The following ZCCHC2 variants were observed in gnomAD, a reference collection of about 807,000 sequenced individuals.
ZCCHC2 encodes the protein zinc finger CCHC-type containing 2.
A neutral mutation model predicts 103.6 loss-of-function variants in ZCCHC2; 39 were observed. The observed-to-expected ratio is 0.38, with a 90% CI of 0.29 to 0.49. The LOEUF (loss-of-function observed/expected upper bound fraction) is 0.49, where lower values mean the gene tolerates loss of function less well. ZCCHC2 is among the 20% of genes least tolerant of loss of function. The pLI is 0.96. For missense variants in ZCCHC2, 1,483 were observed against 1,491.0 expected, an observed-to-expected ratio of 0.99 and a Z score of 0.09; for synonymous variants, 687 against 608.9, an observed-to-expected ratio of 1.13 and a Z score of -1.89.
At chr18:62,540,089 A>AT (rs1915110065) in intron 2 of ZCCHC2, among the ~76,000 whole-genome samples, 1 of 152,174 alleles carries the variant, frequency 6.6e-6, no homozygotes, top group Non-Finnish European at 1.5e-5. Flanking sequence ...CCCCCAGAGT[A>AT]TTTAGTATAG....
chr18:62,559,164 G>A (rs1226815326), intron 7 of ZCCHC2, among the ~76,000 whole-genome samples: 3 of 152,126 alleles, frequency 2.0e-5, no homozygotes, highest in Non-Finnish European at 4.4e-5. Context: ...GCATGACCAC[G>A]GTAGAGATCT....
rs562755547 is a variant in ZCCHC2 at position 62,533,289 on chromosome 18, G to T, written c.940-6392G>T. Among the ~76,000 whole-genome samples the T allele has an allele frequency of 8.0e-4, 122 of 152,300 alleles. 1 individual carries two copies. The highest frequency in any genetic ancestry group is 3.4e-3 in the Middle Eastern group (1 of 294). ...GCCTGTAATCCCAGCACTTTGGGAG[G>T]CCGAGGCGGGTGGATCACTTGAGGT... On this transcript the variant is annotated intron_variant, in intron 1 of 13. Coordinates refer to ENST00000269499, the MANE Select transcript of ZCCHC2 (RefSeq NM_017742.6).
At chr18:62,535,064 C>T (rs918484919) in intron 1 of ZCCHC2, among the ~76,000 whole-genome samples, 8 of 152,154 alleles carry the variant, frequency 5.3e-5, no homozygotes, top group Non-Finnish European at 1.0e-4. Context: ...GCTTCTGAGC[C>T]CAGGCTCACA....
chr18:62,562,966 T>C (rs1916190436), intron 8 of ZCCHC2, 43 bp from the exon 9 acceptor site: 9 of 1,581,132 alleles, frequency 5.7e-6, no homozygotes, highest in African/African-American at 1.3e-5. Context: ...TAGGTTATTA[T>C]TGAGGGCAGA....
At chr18:62,540,410 T>A (rs1385549198) in intron 2 of ZCCHC2, among the ~76,000 whole-genome samples, 1 of 151,336 alleles carries the variant, frequency 6.6e-6, no homozygotes, top group Non-Finnish European at 1.5e-5. Flanking sequence ...GTTATAACAA[T>A]TTTGAATTTA....
Position 62,523,398 on chromosome 18 carries a change from C to G in ZCCHC2, c.-27C>G. On this transcript the variant is annotated 5_prime_UTR_variant, in exon 1 of 14. Transcript: ENST00000269499. ...GCGGCCCCTCCCGCCCGCCCCCGCTCGCATGTCTGCGCCGCCCTAGCCGAG... is the reference window on the plus strand; with the variant it reads ...GCGGCCCCTCCCGCCCGCCCCCGCTGGCATGTCTGCGCCGCCCTAGCCGAG... The G allele has an allele frequency of 2.9e-6, 3 of 1,028,936 alleles. No homozygotes were observed. Among genetic ancestry groups the G allele is most frequent in the Non-Finnish European group, 3.5e-6 (3 of 860,452 alleles). The allele number at this position is 1,028,936 out of a possible 1,614,324, so 63.7% of individuals were successfully genotyped here. A position where few individuals can be genotyped will look rare whatever the true frequency, so the allele number is the denominator to read the frequency against.
intron 7 of ZCCHC2, among the ~76,000 whole-genome samples, chr18:62,559,876 G>A (rs983648705): frequency 1.3e-5 from 2 of 152,146 alleles, no homozygotes; most frequent in African/African-American, 4.8e-5. Context: ...TCTTTTTCTT[G>A]TCATTCTCTA....
rs1914560411 is a variant in ZCCHC2 at position 62,528,923 on chromosome 18, GCC to G, written c.939+4561_939+4562del. On this transcript the variant is annotated intron_variant, in intron 1 of 13. Coordinates refer to ENST00000269499, the MANE Select transcript of ZCCHC2 (RefSeq NM_017742.6). ...CGCCTGTAATTCCAGCACTTTGAAA[GCC>G]AAGGCAGGTGGATCACCTGAGGTCA... Among the ~76,000 whole-genome samples the G allele has an allele frequency of 2.6e-5, 4 of 152,230 alleles. No homozygotes were observed. The South Asian group carries it at 8.3e-4, about 32-fold the overall frequency.
At chr18:62,563,285 A>T (rs1916205986) in intron 9 of ZCCHC2, 141 bp downstream of exon 9, 1 of 998,234 alleles carries the variant, frequency 1.0e-6, no homozygotes, top group African/African-American at 1.6e-5. Flanking sequence ...CTTTATACTT[A>T]TATATGATCT....
At chr18:62,558,818 A>G (rs1272460367) in intron 7 of ZCCHC2, 48 bp downstream of exon 7, 4 of 1,262,382 alleles carry the variant, frequency 3.2e-6, no homozygotes, top group African/African-American at 3.0e-5. Flanking sequence ...CTGATAGCAC[A>G]TGGATAGAAC....
At chr18:62,565,491 C>T (rs970362096) in intron 11 of ZCCHC2, among the ~76,000 whole-genome samples, 9 of 152,154 alleles carry the variant, frequency 5.9e-5, no homozygotes, top group African/African-American at 1.7e-4. Context: ...CTGTTGACTT[C>T]TTCATGATTT....
In ZCCHC2 at chr18:62,550,412, C is replaced by T. The variant is rs750984147; in HGVS notation, c.1265C>T (p.Ser422Phe). The T allele has an allele frequency of 2.5e-6, 4 of 1,613,784 alleles. No homozygotes were observed. The highest frequency in any genetic ancestry group is 3.4e-6 in the Non-Finnish European group (4 of 1,179,828). Residue 422 changes from serine to phenylalanine, a missense_variant, in exon 5 of 14, where the codon TCC becomes TTC. Physicochemically the swap from Ser to Phe is radical, Grantham distance 155. Transcript: ENST00000269499. ...KTILRALNQG[S>F]LKREERRHPD... ...ATCTTAAGAGCCCTGAATCAGGGTT[C>T]CTTGAAAAGGGAGGAACGGCGACAT...
At chr18:62,552,251 G>T (rs1032522134) in intron 5 of ZCCHC2, 1 of 152,194 alleles carries the variant, frequency 6.6e-6, no homozygotes, top group Admixed American at 6.5e-5. Flanking sequence ...GGTCTGGAAG[G>T]ATCAGAAGAT....
chr18:62,524,068 G>A lies in ZCCHC2; in HGVS notation c.644G>A (p.Gly215Asp). 3 of 1,493,370 alleles carry A rather than the reference G, an allele frequency of 2.0e-6. No homozygotes were observed. Among genetic ancestry groups the A allele is most frequent in the Non-Finnish European group, 2.7e-6 (3 of 1,130,586 alleles). 92.5% of individuals were successfully genotyped at this position (1,493,370 alleles called of 1,614,324 possible). ...LRAARGEGSR[G>D]GAEDERGEDG... ...GCGGCCCGGGGCGAGGGCTCGCGGG[G>A]CGGCGCGGAGGACGAGCGCGGCGAG... Residue 215 changes from glycine to aspartate, a missense_variant, in exon 1 of 14, where the codon GGC becomes GAC. Gly to Asp is a moderately conservative substitution (Grantham distance 94). Coordinates refer to ENST00000269499, the MANE Select transcript of ZCCHC2 (RefSeq NM_017742.6).
In ZCCHC2 at chr18:62,574,640, C is replaced by T. The variant is rs113696225; in HGVS notation, c.2559C>T (p.Asn853=). 6.9e-5 allele frequency: 111 copies of T among 1,614,024 alleles called. No individual in the cohort carries two copies. In the African/African-American group the frequency reaches 1.2e-3, roughly 17 times the overall value. The change falls in exon 13 of 14, where the codon AAC becomes AAT. Residue 853 remains asparagine (N), a synonymous_variant. Transcript: ENST00000269499. The part of the protein sequence containing the change: ...SPNTAFIPIH[N]PGSFPGSPVA... ...ACACTGCCTTTATTCCTATCCATAACCCAGGTAGTTTCCCAGGCTCTCCTG... is the reference window on the plus strand; with the variant it reads ...ACACTGCCTTTATTCCTATCCATAATCCAGGTAGTTTCCCAGGCTCTCCTG...
chr18:62,570,140 T>G lies in ZCCHC2; in HGVS notation c.1884T>G (p.Cys628Trp), dbSNP rs768174691. The stretch of plus-strand genomic sequence containing the variant: ...ACATTGGCTCTGGACATGACACATG[T>G]GGAGAAACATCTTCAGAGAGTTACA... ...NLDIGSGHDT[C>W]GETSSESYSS... The change falls in exon 12 of 14, where the codon TGT (cysteine) becomes TGG (tryptophan). Residue 628 changes from cysteine (C) to tryptophan (W), a missense_variant. By Grantham distance (215) the Cys-to-Trp change is radical. Around this residue, in one of 3 missense-constraint regions of ZCCHC2, gnomAD observed 884 missense variants for 907.5 expected, o/e 0.97. Coordinates refer to ENST00000269499, the MANE Select transcript of ZCCHC2 (RefSeq NM_017742.6). 6.2e-7 allele frequency: 1 copy of G among 1,612,844 alleles called. No individual in the cohort carries two copies. The highest frequency in any genetic ancestry group is 1.7e-5 in the Admixed American group (1 of 59,892).
chr18:62,529,415 G>A (rs543844985), intron 1 of ZCCHC2, among the ~76,000 whole-genome samples: 1 of 152,240 alleles, frequency 6.6e-6, no homozygotes, highest in South Asian at 2.1e-4. Flanking sequence ...AATATTAGCT[G>A]TTGCAGGTGA....
chr18:62,532,587 T>G (rs879845564), intron 1 of ZCCHC2, among the ~76,000 whole-genome samples: 11 of 152,236 alleles, frequency 7.2e-5, no homozygotes, highest in Non-Finnish European at 1.2e-4. Context: ...CCTTTCATTC[T>G]AGGCTGGGTT....
intron 2 of ZCCHC2, among the ~76,000 whole-genome samples, chr18:62,541,991 CAA>C (rs1287424927): frequency 6.6e-6 from 1 of 151,954 alleles, no homozygotes; most frequent in Non-Finnish European, 1.5e-5. Context: ...ACATTTGAGA[CAA>C]ATAATTTTTA....
Sources: gnomAD v4.1 joint callset for allele counts (sites outside exome capture counted in the v4.1 genomes callset) on GRCh38, gnomAD v4.1.1 for gene constraint, gnomAD v4.1.1 regional missense constraint, MANE v1.5 for transcripts, NCBI Gene and HGNC (gene_info 2026-07-23, HGNC 2026-07-21) for gene names.